The following CCSER1 variants were observed in gnomAD, a reference collection of about 807,000 sequenced individuals.
CCSER1 encodes coiled-coil serine rich protein 1.
Under a neutral mutation model 82.0 loss-of-function variants are expected in CCSER1, and 41 were observed. The ratio of observed to expected loss-of-function variants is 0.50; its 90% CI spans 0.39 to 0.65. CCSER1 has a LOEUF of 0.65. Ranked by LOEUF, CCSER1 falls within the 30% of genes least tolerant of loss-of-function variation. CCSER1 has a pLI of 0.00. For synonymous variants in CCSER1, 414 were observed against 383.9 expected (o/e 1.08, Z -0.92); for missense variants, 1,119 against 1,064.2 (o/e 1.05, Z -0.72).
At chr4:91,155,020 G>A (rs1485059967) in intron 10 of CCSER1, among the ~76,000 whole-genome samples, 2 of 115,042 alleles carry the variant, frequency 1.7e-5, no homozygotes, top group Non-Finnish European at 4.0e-5. Flanking sequence ...AAGTAACATA[G>A]GCTTTTCTGG....
chr4:91,274,887 C>T (rs564783235), intron 10 of CCSER1, among the ~76,000 whole-genome samples: 40 of 151,912 alleles, frequency 2.6e-4, no homozygotes, highest in Admixed American at 8.5e-4. Flanking sequence ...GGGCGGATCA[C>T]GAGGTCAGGA....
intron 5 of CCSER1, among the ~76,000 whole-genome samples, chr4:90,535,055 G>A (rs920422742): frequency 3.9e-5 from 6 of 151,948 alleles, no homozygotes; most frequent in South Asian, 4.2e-4. Flanking sequence ...GATTCATCAG[G>A]AATAGGAAGA....
At chr4:90,511,605 A>G (rs1771520288) in intron 5 of CCSER1, among the ~76,000 whole-genome samples, 1 of 152,166 alleles carries the variant, frequency 6.6e-6, no homozygotes, top group Non-Finnish European at 1.5e-5. Flanking sequence ...TTGAGAGATA[A>G]TTCAGGTTCA....
chr4:90,905,420 TC>T (rs1312524383), intron 8 of CCSER1, among the ~76,000 whole-genome samples: 1 of 151,514 alleles, frequency 6.6e-6, no homozygotes, highest in African/African-American at 2.4e-5. Flanking sequence ...CATATACTCC[TC>T]CCCCACGCCT....
At chr4:91,546,567 A>C (rs1478605376) in intron 10 of CCSER1, among the ~76,000 whole-genome samples, 1 of 151,992 alleles carries the variant, frequency 6.6e-6, no homozygotes, top group Non-Finnish European at 1.5e-5. Flanking sequence ...TGTAATGTTT[A>C]TGTGTTCTGT....
intron 10 of CCSER1, among the ~76,000 whole-genome samples, chr4:91,277,542 T>G (rs1051223749): frequency 6.7e-6 from 1 of 149,056 alleles, no homozygotes; most frequent in African/African-American, 2.5e-5. Flanking sequence ...TTTTTTTTTT[T>G]GGCTTCTGAT....
At chr4:91,081,272 G>A (rs1198356723) in intron 9 of CCSER1, among the ~76,000 whole-genome samples, 2 of 152,066 alleles carry the variant, frequency 1.3e-5, no homozygotes, top group African/African-American at 2.4e-5. Context: ...ATCGATAAAC[G>A]TAATCCATCA....
chr4:90,499,273 T>C (rs1404264173), intron 5 of CCSER1, among the ~76,000 whole-genome samples: 2 of 152,114 alleles, frequency 1.3e-5, no homozygotes, highest in Admixed American at 1.3e-4. Context: ...ATATACCAAA[T>C]GTATGTCTTC....
intron 5 of CCSER1, among the ~76,000 whole-genome samples, chr4:90,539,103 A>G (rs139029980): frequency 6.6e-6 from 1 of 152,216 alleles, no homozygotes; most frequent in Admixed American, 6.5e-5. Context: ...TCAGAAAATT[A>G]TAAAGGTACG....
intron 10 of CCSER1, among the ~76,000 whole-genome samples, chr4:91,468,917 T>C (rs1757107659): frequency 6.6e-6 from 1 of 152,138 alleles, no homozygotes; most frequent in African/African-American, 2.4e-5. Flanking sequence ...CATATAATTT[T>C]AAGGGATATT....
intron 10 of CCSER1, among the ~76,000 whole-genome samples, chr4:91,308,636 C>A (rs1365669878): frequency 6.6e-6 from 1 of 151,976 alleles, no homozygotes; most frequent in Non-Finnish European, 1.5e-5. Context: ...TGCTGTTGCA[C>A]TAGCATGCAC....
At chr4:91,440,522 T>G (rs1197537875) in intron 10 of CCSER1, among the ~76,000 whole-genome samples, 2 of 152,026 alleles carry the variant, frequency 1.3e-5, no homozygotes, top group Admixed American at 6.6e-5. Context: ...AAGCAGGAAA[T>G]ATCTAAAATC....
At chr4:90,665,954 A>C (rs2149120043) in intron 6 of CCSER1, among the ~76,000 whole-genome samples, 1 of 152,128 alleles carries the variant, frequency 6.6e-6, no homozygotes, top group East Asian at 1.9e-4. Context: ...TTGTTGGCAT[A>C]ATTCATTTCC....
intron 5 of CCSER1, among the ~76,000 whole-genome samples, chr4:90,508,405 TG>T (rs1279696321): frequency 6.6e-6 from 1 of 152,040 alleles, no homozygotes; most frequent in African/African-American, 2.4e-5. Context: ...TTGTTCAGTT[TG>T]TTTCTAGATG....
At chr4:90,799,575 A>G (rs1756510361) in intron 7 of CCSER1, among the ~76,000 whole-genome samples, 1 of 152,108 alleles carries the variant, frequency 6.6e-6, no homozygotes, top group Non-Finnish European at 1.5e-5. Flanking sequence ...GCAAGCAGTC[A>G]TGGCCAGTCT....
At chr4:91,236,315 G>A (rs192691218) in intron 10 of CCSER1, among the ~76,000 whole-genome samples, 40 of 151,610 alleles carry the variant, frequency 2.6e-4, no homozygotes, top group Non-Finnish European at 4.1e-4. Flanking sequence ...GTGAAACCCC[G>A]TCTCTACTAA....
intron 8 of CCSER1, among the ~76,000 whole-genome samples, chr4:90,878,061 C>T (rs1720615474): frequency 6.6e-6 from 1 of 152,102 alleles, no homozygotes; most frequent in African/African-American, 2.4e-5. Flanking sequence ...TTCCATTCTC[C>T]CTTTTGCTAT....
chr4:90,178,742 T>C (rs1578347710), intron 1 of CCSER1, among the ~76,000 whole-genome samples: 1 of 152,272 alleles, frequency 6.6e-6, no homozygotes, highest in East Asian at 1.9e-4. Flanking sequence ...AAGATAATTG[T>C]AATTCTTTCA....
intron 10 of CCSER1, among the ~76,000 whole-genome samples, chr4:91,172,311 G>A (rs557773210): frequency 2.6e-5 from 4 of 152,010 alleles, no homozygotes; most frequent in Non-Finnish European, 5.9e-5. Flanking sequence ...GTTACAGAGA[G>A]AAAAAAGGAG....
Sources: gnomAD v4.1 joint callset for allele counts (sites outside exome capture counted in the v4.1 genomes callset) on GRCh38, gnomAD v4.1.1 for gene constraint, MANE v1.5 for transcripts, NCBI Gene and HGNC (gene_info 2026-07-23, HGNC 2026-07-21) for gene names.